The following ZNF804A variants were observed in gnomAD, a reference collection of about 807,000 sequenced individuals.
ZNF804A encodes zinc finger protein 804A.
ZNF804A carries 2 observed loss-of-function variants against 16.5 expected under a neutral mutation model. The ratio of observed to expected loss-of-function variants is 0.12; its 90% CI spans 0.05 to 0.38. ZNF804A has a LOEUF of 0.38. Ranked by LOEUF, ZNF804A falls within the 10% of genes least tolerant of loss-of-function variation. ZNF804A has a pLI of 0.99. For synonymous variants in ZNF804A, 534 were observed against 489.6 expected (o/e 1.09, Z -1.20); for missense variants, 1,473 against 1,390.7 (o/e 1.06, Z -0.94).
chr2:184,768,574 A>G (rs765849211), intron 1 of ZNF804A, among the ~76,000 whole-genome samples: 70 of 152,168 alleles, frequency 4.6e-4, no homozygotes, highest in Non-Finnish European at 7.5e-4. Context: ...TTTCTGTTTC[A>G]GTAGGTTTAA....
chr2:184,750,125 C>T (rs1041143493), intron 1 of ZNF804A, among the ~76,000 whole-genome samples: 1 of 151,094 alleles, frequency 6.6e-6, no homozygotes, highest in Non-Finnish European at 1.5e-5. Context: ...TGTATATTTA[C>T]TTGTGTTGGT....
intron 1 of ZNF804A, among the ~76,000 whole-genome samples, chr2:184,744,775 C>A (rs1693762459): frequency 6.6e-6 from 1 of 151,876 alleles, no homozygotes; most frequent in Admixed American, 6.6e-5. Flanking sequence ...AATTAAATAA[C>A]TCCAAAATAA....
intron 2 of ZNF804A, among the ~76,000 whole-genome samples, chr2:184,903,120 C>G (rs1259680832): frequency 6.6e-6 from 1 of 152,112 alleles, no homozygotes; most frequent in Non-Finnish European, 1.5e-5. Flanking sequence ...TAATACAGAT[C>G]TATACTCTTC....
intron 1 of ZNF804A, among the ~76,000 whole-genome samples, chr2:184,714,927 C>G (rs1478593443): frequency 6.6e-6 from 1 of 152,050 alleles, no homozygotes; most frequent in Non-Finnish European, 1.5e-5. Flanking sequence ...TTCCTTTATA[C>G]CTTCTTCATA....
chr2:184,620,940 AT>A (rs1691408260), intron 1 of ZNF804A, among the ~76,000 whole-genome samples: 1 of 151,620 alleles, frequency 6.6e-6, no homozygotes, highest in South Asian at 2.1e-4. Context: ...AATTATTTGG[AT>A]TTTTAATAGC....
At chr2:184,604,499 C>A (rs1691110259) in intron 1 of ZNF804A, among the ~76,000 whole-genome samples, 1 of 151,966 alleles carries the variant, frequency 6.6e-6, no homozygotes, top group South Asian at 2.1e-4. Flanking sequence ...TACAGATCAG[C>A]GAGAATTTCA....
rs116821543 is a variant in ZNF804A at position 184,826,818 on chromosome 2, T to C, written c.112-39551T>C. 7.5e-3 allele frequency among the ~76,000 whole-genome samples: 1,148 copies of C among 152,240 alleles called. 17 individuals are homozygous for C. Among genetic ancestry groups the C allele is most frequent in the African/African-American group, 0.026 (1,091 of 41,580 alleles). The stretch of plus-strand genomic sequence containing the variant: ...TTTACACTGCATGTATATTTTTATA[T>C]AGTAACAGCATTAAAAACAAATTTT... On this transcript the variant is annotated intron_variant, in intron 1 of 3. Coordinates refer to ENST00000302277, the MANE Select transcript of ZNF804A (RefSeq NM_194250.2).
chr2:184,743,820 C>T (rs73978093), intron 1 of ZNF804A, among the ~76,000 whole-genome samples: 4,568 of 151,850 alleles, frequency 0.03, 232 homozygotes, highest in African/African-American at 0.1. Context: ...ACTGGAAATG[C>T]TATAAATTTG....
chr2:184,638,870 T>C (rs1199882192), intron 1 of ZNF804A, among the ~76,000 whole-genome samples: 2 of 152,154 alleles, frequency 1.3e-5, no homozygotes, highest in Non-Finnish European at 2.9e-5. Context: ...TTCTTTACTC[T>C]TCATGAGGCC....
intron 1 of ZNF804A, among the ~76,000 whole-genome samples, chr2:184,754,216 A>G (rs774440735): frequency 3.8e-4 from 57 of 151,988 alleles, no homozygotes; most frequent in Non-Finnish European, 6.9e-4. Context: ...CACTGGACGA[A>G]GACACTATTG....
chr2:184,734,744 C>T (rs1693581468), intron 1 of ZNF804A, among the ~76,000 whole-genome samples: 1 of 152,130 alleles, frequency 6.6e-6, no homozygotes, highest in Non-Finnish European at 1.5e-5. Flanking sequence ...TCATTCTGTC[C>T]ATATCTGGCA....
chr2:184,921,039 G>A (rs557271039), intron 2 of ZNF804A, among the ~76,000 whole-genome samples: 1 of 152,152 alleles, frequency 6.6e-6, no homozygotes, highest in Non-Finnish European at 1.5e-5. Context: ...TGAAATTTTT[G>A]TATTTTTAAT....
At chr2:184,852,404 A>T (rs1158340372) in intron 1 of ZNF804A, among the ~76,000 whole-genome samples, 2 of 147,912 alleles carry the variant, frequency 1.4e-5, no homozygotes, top group Non-Finnish European at 3.0e-5. Flanking sequence ...TCTTCATCCT[A>T]TTAATTGTTT....
At chr2:184,664,166 A>G (rs908780571) in intron 1 of ZNF804A, among the ~76,000 whole-genome samples, 5 of 152,178 alleles carry the variant, frequency 3.3e-5, no homozygotes, top group African/African-American at 1.2e-4. Flanking sequence ...CTAGAGTTAA[A>G]TGACACTATT....
chr2:184,793,735 C>T (rs1694588570), intron 1 of ZNF804A, among the ~76,000 whole-genome samples: 2 of 152,136 alleles, frequency 1.3e-5, no homozygotes, highest in Admixed American at 1.3e-4. Context: ...CACCCTTTCT[C>T]TCTGAGTCTC....
At chr2:184,800,190 G>C (rs1694702370) in intron 1 of ZNF804A, among the ~76,000 whole-genome samples, 2 of 151,372 alleles carry the variant, frequency 1.3e-5, no homozygotes, top group East Asian at 3.9e-4. Context: ...GGTTTAACTG[G>C]GTTAAATTTA....
chr2:184,641,567 A>C (rs560959105), intron 1 of ZNF804A, among the ~76,000 whole-genome samples: 22 of 152,234 alleles, frequency 1.4e-4, no homozygotes, highest in Non-Finnish European at 3.1e-4. Flanking sequence ...TCATATCTTG[A>C]AATATTTATT....
chr2:184,685,967 G>A (rs1347885141), intron 1 of ZNF804A, among the ~76,000 whole-genome samples: 4 of 152,230 alleles, frequency 2.6e-5, no homozygotes, highest in Non-Finnish European at 5.9e-5. Flanking sequence ...GCTCATCAGT[G>A]CCCAAAGTCT....
At chr2:184,677,369 C>CTA (rs1692456157) in intron 1 of ZNF804A, among the ~76,000 whole-genome samples, 1 of 151,892 alleles carries the variant, frequency 6.6e-6, no homozygotes, top group Non-Finnish European at 1.5e-5. Context: ...CTCACTGTCA[C>CTA]TATTTCCTTG....
Sources: gnomAD v4.1 joint callset for allele counts (sites outside exome capture counted in the v4.1 genomes callset) on GRCh38, gnomAD v4.1.1 for gene constraint, MANE v1.5 for transcripts, NCBI Gene and HGNC (gene_info 2026-07-23, HGNC 2026-07-21) for gene names.